RAB11FIP4: variants seen among roughly 807,000 people sequenced by gnomAD.
RAB11FIP4 encodes the protein RAB11 family interacting protein 4.
Under a neutral mutation model 74.3 loss-of-function variants are expected in RAB11FIP4, and 23 were observed. The observed-to-expected ratio is 0.31, with a 90% CI of 0.22 to 0.44. The LOEUF (loss-of-function observed/expected upper bound fraction) is 0.44. Ranked by LOEUF, RAB11FIP4 falls within the 20% of genes least tolerant of loss-of-function variation. The probability of loss-of-function intolerance (pLI) is 1.00; values close to 1 mark genes in which losing one functional copy is unlikely to be tolerated. For missense variants in RAB11FIP4, 630 were observed against 863.9 expected (o/e 0.73, Z 3.39); for synonymous variants, 360 against 359.9 (o/e 1.00, Z 0.00).
intron 3 of RAB11FIP4, among the ~76,000 whole-genome samples, chr17:31,474,312 C>T (rs2071768114): frequency 6.6e-6 from 1 of 152,126 alleles, no homozygotes; most frequent in South Asian, 2.1e-4. Flanking sequence ...AGGATTGAAG[C>T]ACAGAGCATG....
intron 3 of RAB11FIP4, among the ~76,000 whole-genome samples, chr17:31,502,636 A>G (rs1309597127): frequency 1.3e-5 from 2 of 152,190 alleles, no homozygotes; most frequent in Admixed American, 1.3e-4. Context: ...CTCTTTTGTT[A>G]TCAGGGTGAG....
intron 3 of RAB11FIP4, chr17:31,487,966 GC>G (rs1421719122): frequency 1.6e-5 from 9 of 555,088 alleles, no homozygotes; most frequent in Admixed American, 1.3e-4. Flanking sequence ...CTCCGCCCCC[GC>G]CCCCGCCCCG....
Position 31,512,881 on chromosome 17 carries a change from G to A in RAB11FIP4, c.337-4770G>A, listed in dbSNP as rs928347819. Among the ~76,000 whole-genome samples, 2 of 152,102 alleles carry A rather than the reference G, an allele frequency of 1.3e-5. No homozygotes were observed. Among genetic ancestry groups the A allele is most frequent in the South Asian group, 4.2e-4 (2 of 4,812 alleles). ...GCAGGCGGGAATGGGCAGGAAACCG[G>A]GGCTCTGAGAGGCAGTCTTGGAAGC... On this transcript the variant is annotated intron_variant, in intron 3 of 14. Coordinates refer to ENST00000621161, the MANE Select transcript of RAB11FIP4 (RefSeq NM_032932.6). This position sits in a 1 kb window ranked among gnomAD's most constrained non-coding sequence, Gnocchi z 4.1.
At chr17:31,430,907 G>A (rs1018425777) in intron 1 of RAB11FIP4, among the ~76,000 whole-genome samples, 2 of 152,170 alleles carry the variant, frequency 1.3e-5, no homozygotes, top group Admixed American at 6.5e-5. Context: ...CAGGAAGGGA[G>A]GGAGGACGGG....
chr17:31,483,410 G>C (rs933935015), intron 3 of RAB11FIP4, among the ~76,000 whole-genome samples: 6 of 152,088 alleles, frequency 3.9e-5, no homozygotes, highest in Non-Finnish European at 7.4e-5. Context: ...TGTGAGGGGA[G>C]ATGCCATTTC....
intron 6 of RAB11FIP4, 59 bp from the exon 7 acceptor site, chr17:31,522,301 A>T: frequency 1.3e-6 from 2 of 1,556,170 alleles, no homozygotes; most frequent in East Asian, 2.2e-5. Flanking sequence ...CAGCTAGGAC[A>T]GAGTAAGGGA....
intron 3 of RAB11FIP4, among the ~76,000 whole-genome samples, chr17:31,516,642 G>C (rs1419234248): frequency 6.6e-6 from 1 of 152,158 alleles, no homozygotes; most frequent in African/African-American, 2.4e-5. Context: ...GCTAATTTTT[G>C]TATTTTTAGT....
At chr17:31,511,510 A>C (rs1384997429) in intron 3 of RAB11FIP4, among the ~76,000 whole-genome samples, 2 of 152,212 alleles carry the variant, frequency 1.3e-5, no homozygotes, top group Non-Finnish European at 2.9e-5. Context: ...ACCACCTGCC[A>C]TGTGCTCTCT....
At chr17:31,401,985 A>G (rs530904220) in intron 1 of RAB11FIP4, among the ~76,000 whole-genome samples, 4 of 152,048 alleles carry the variant, frequency 2.6e-5, no homozygotes, top group Non-Finnish European at 4.4e-5. Context: ...CGGTTCACCT[A>G]AGCATCCACT....
chr17:31,404,896 C>T (rs1344326261), intron 1 of RAB11FIP4, among the ~76,000 whole-genome samples: 1 of 151,992 alleles, frequency 6.6e-6, no homozygotes, highest in Non-Finnish European at 1.5e-5. Context: ...CAGGGTCTGC[C>T]AGGGTGGAGG....
At chr17:31,457,338 A>G (rs1009833029) in intron 3 of RAB11FIP4, among the ~76,000 whole-genome samples, 4 of 152,172 alleles carry the variant, frequency 2.6e-5, no homozygotes, top group South Asian at 2.1e-4. Context: ...TTCCAGAGTC[A>G]GGAGCTGACC....
intron 1 of RAB11FIP4, among the ~76,000 whole-genome samples, chr17:31,420,427 C>A (rs1331002067): frequency 1.3e-5 from 2 of 151,730 alleles, no homozygotes; most frequent in African/African-American, 4.8e-5. Flanking sequence ...GAGATGGGGT[C>A]TTGCTATGTT....
rs868691478 is a variant in RAB11FIP4, at chr17:31,391,982, C to T, written c.130C>T (p.Leu44Phe). Reference sequence around the variant, plus strand: ...CCTGCGCGTGGAGCGCGTCGCGGCGCTCGGACTGCGCTTCGGCCAGGGCGA... The same window carrying T: ...CCTGCGCGTGGAGCGCGTCGCGGCGTTCGGACTGCGCTTCGGCCAGGGCGA... ...GFLRVERVAALGLRFGQGEEV... is the reference protein window; with the variant it reads ...GFLRVERVAAFGLRFGQGEEV... The change falls in exon 1 of 15, where the codon CTC becomes TTC. Residue 44 changes from leucine to phenylalanine, a missense_variant. Transcript: ENST00000621161. 3 of 1,357,714 alleles carry T rather than the reference C, an allele frequency of 2.2e-6. No individual in the cohort carries two copies. The highest frequency in any genetic ancestry group is 2.8e-6 in the Non-Finnish European group (3 of 1,053,666). The allele number at this position is 1,357,714 out of a possible 1,614,324, so 84.1% of individuals were successfully genotyped here.
intron 3 of RAB11FIP4, among the ~76,000 whole-genome samples, chr17:31,436,938 C>T (rs1351141415): frequency 6.6e-6 from 1 of 151,956 alleles, no homozygotes; most frequent in African/African-American, 2.4e-5. Context: ...CAGGTGCCCG[C>T]CACCATGCCC....
chr17:31,407,773 A>G (rs1037722301), intron 1 of RAB11FIP4, among the ~76,000 whole-genome samples: 14 of 152,294 alleles, frequency 9.2e-5, no homozygotes, highest in African/African-American at 3.1e-4. Context: ...GCTGAGTTCA[A>G]TCACTTGATT....
chr17:31,429,068 T>C (rs769897980), intron 1 of RAB11FIP4, among the ~76,000 whole-genome samples: 11 of 152,130 alleles, frequency 7.2e-5, no homozygotes, highest in Non-Finnish European at 1.3e-4. Context: ...ACCTCCACCT[T>C]GAAGGTCAGA....
Position 31,445,530 on chromosome 17 carries a change from TTTTATATA to T in RAB11FIP4, c.336+11410_336+11417del, listed in dbSNP as rs1198826451. Among the ~76,000 whole-genome samples, 138 of 36,754 alleles carry T rather than the reference TTTTATATA, an allele frequency of 3.8e-3. 7 individuals are homozygous for T. Among genetic ancestry groups the T allele is most frequent in the African/African-American group, 0.018 (129 of 7,024 alleles). The allele number at this position is 36,754 out of a possible 152,430, so 24.1% of individuals were successfully genotyped here. On this transcript the variant is annotated intron_variant, in intron 3 of 14. Transcript: ENST00000621161. ...AAAATCTACATTCAAATTTTCCCAA[TTTTATATA>T]TATATATATATATATATATATATAT...
intron 3 of RAB11FIP4, among the ~76,000 whole-genome samples, chr17:31,508,835 G>T (rs2072401132): frequency 6.6e-6 from 1 of 152,116 alleles, no homozygotes; most frequent in Non-Finnish European, 1.5e-5. Context: ...CCTCTCTGTG[G>T]GCTCCTCTGA....
At chr17:31,522,103 T>C in intron 6 of RAB11FIP4, 54 bp downstream of exon 6, 1 of 1,603,728 alleles carries the variant, frequency 6.2e-7, no homozygotes, top group Non-Finnish European at 8.5e-7. Context: ...GGGCAGGGCC[T>C]GGAGGGAGAA....
Sources: allele counts gnomAD v4.1 joint callset (sites outside exome capture counted in the v4.1 genomes callset), GRCh38; gene constraint gnomAD v4.1.1; non-coding constraint Gnocchi (gnomAD v3.1); transcripts MANE v1.5; gene names NCBI Gene and HGNC (gene_info 2026-07-23, HGNC 2026-07-21).